Variants in TTC7A observed in about 807,000 individuals in gnomAD.
The protein encoded by TTC7A is tetratricopeptide repeat domain 7A.
A neutral mutation model predicts 103.7 loss-of-function variants in TTC7A; 110 were observed. That is an observed-to-expected ratio of 1.06 (90% CI 0.91 to 1.24). The LOEUF (loss-of-function observed/expected upper bound fraction) is 1.24, where lower values mean the gene tolerates loss of function less well. Ranked by LOEUF, TTC7A falls within the 50% of genes most tolerant of loss-of-function variation. The pLI is 0.00. For missense variants in TTC7A, 1,340 were observed against 1,116.3 expected, an observed-to-expected ratio of 1.20 and a Z score of -2.86; for synonymous variants, 521 against 467.9, an observed-to-expected ratio of 1.11 and a Z score of -1.47.
chr2:46,982,953 G>A (rs951418578), intron 5 of TTC7A, among the ~76,000 whole-genome samples: 1 of 151,814 alleles, frequency 6.6e-6, no homozygotes, highest in Non-Finnish European at 1.5e-5. Flanking sequence ...GGCCAACAGA[G>A]CAAGACCCTC....
chr2:46,989,282 G>A (rs1295060206), intron 5 of TTC7A, among the ~76,000 whole-genome samples: 1 of 152,238 alleles, frequency 6.6e-6, no homozygotes, highest in Non-Finnish European at 1.5e-5. Context: ...TCTGGGCCAG[G>A]GTTTGTTTGA....
In TTC7A at chr2:47,074,357, G is replaced by C. The variant is rs925290524; in HGVS notation, c.*434G>C. 1.8e-5 allele frequency: 3 copies of C among 164,652 alleles called. No individual in the cohort carries two copies. Among genetic ancestry groups the C allele is most frequent in the Admixed American group, 1.2e-4 (2 of 16,708 alleles). The allele number at this position is 164,652 out of a possible 1,614,324, so 10.2% of individuals were successfully genotyped here. A position where few individuals can be genotyped will look rare whatever the true frequency, so the allele number is the denominator to read the frequency against. On this transcript the variant is annotated 3_prime_UTR_variant, in exon 20 of 20. Coordinates refer to ENST00000319190, the MANE Select transcript of TTC7A (RefSeq NM_020458.4). The stretch of plus-strand genomic sequence containing the variant: ...ATGTGAAGAAACTGCGGGCAAGTGG[G>C]AAGACTATGAGATTTCTGGGTTCCC...
chr2:46,934,787 CTTTTTTTTTTTTTTTTT>C (rs1161003607), intron 2 of TTC7A, among the ~76,000 whole-genome samples: 9 of 66,916 alleles, frequency 1.3e-4, no homozygotes, highest in African/African-American at 3.9e-4. Context: ...GACTACTGCT[CTTTTTTTTTTTTTTTTT>C]TTTTTTTTTT....
intron 19 of TTC7A, among the ~76,000 whole-genome samples, chr2:47,071,732 CTG>C (rs999223783): frequency 1.3e-5 from 2 of 152,214 alleles, no homozygotes; most frequent in Non-Finnish European, 2.9e-5. Flanking sequence ...ACCTCCGAAA[CTG>C]AGAATACACA....
At chr2:46,934,185 C>G (rs988571818) in intron 2 of TTC7A, among the ~76,000 whole-genome samples, 1 of 152,318 alleles carries the variant, frequency 6.6e-6, no homozygotes, top group Non-Finnish European at 1.5e-5. Context: ...GAAACTCTTA[C>G]CCAGGATGAT....
chr2:46,928,349 C>T (rs1669508655), intron 2 of TTC7A, among the ~76,000 whole-genome samples: 1 of 150,924 alleles, frequency 6.6e-6, no homozygotes, highest in African/African-American at 2.4e-5. Flanking sequence ...CCAGGATCAA[C>T]TATGTCCTCC....
intron 11 of TTC7A, among the ~76,000 whole-genome samples, chr2:47,015,024 C>T (rs1338116985): frequency 6.6e-6 from 1 of 152,200 alleles, no homozygotes; most frequent in Non-Finnish European, 1.5e-5. Context: ...GGGGTTTGCA[C>T]CAGGGTGGGA....
intron 2 of TTC7A, among the ~76,000 whole-genome samples, chr2:46,952,736 A>T (rs1671522934): frequency 6.6e-6 from 1 of 152,328 alleles, no homozygotes; most frequent in African/African-American, 2.4e-5. Flanking sequence ...TGGGTGACAG[A>T]GCAAGATCCT....
chr2:46,951,467 C>G (rs62140557), intron 2 of TTC7A: 1 of 426,874 alleles, frequency 2.3e-6, no homozygotes. Context: ...ATTAGAAACT[C>G]AAAAGAGGAG....
At position 47,006,349 on chromosome 2, in the gene TTC7A, GA is replaced by G. The variant is rs377222662; in HGVS notation, c.1204-289del. Among the ~76,000 whole-genome samples the G allele has an allele frequency of 1.0e-3, 157 of 152,340 alleles. 1 individual carries two copies. Among genetic ancestry groups the G allele is most frequent in the African/African-American group, 3.5e-3 (147 of 41,574 alleles). On this transcript the variant is annotated intron_variant, in intron 9 of 19. Coordinates refer to ENST00000319190, the MANE Select transcript of TTC7A (RefSeq NM_020458.4). ...TATTTTTATTACATGTCTACGTTTT[GA>G]AAGCACTTTCACAAATCTTATTCCA... is the stretch of plus-strand genomic sequence containing the variant.
chr2:47,056,629 C>T (rs1460331991), intron 18 of TTC7A, among the ~76,000 whole-genome samples: 1 of 152,084 alleles, frequency 6.6e-6, no homozygotes, highest in Non-Finnish European at 1.5e-5. Context: ...ACCAGGATGC[C>T]TCAAAAAAAT....
chr2:47,014,339 G>C (rs763638570), intron 11 of TTC7A, among the ~76,000 whole-genome samples: 1 of 152,152 alleles, frequency 6.6e-6, no homozygotes, highest in African/African-American at 2.4e-5. Flanking sequence ...TGGTTTGGGG[G>C]TTCTCCCAGC....
At chr2:47,033,263 C>G (rs1286329420) in intron 15 of TTC7A, among the ~76,000 whole-genome samples, 1 of 152,234 alleles carries the variant, frequency 6.6e-6, no homozygotes, top group Non-Finnish European at 1.5e-5. Flanking sequence ...AAAAACCAAA[C>G]TCCCTTTGTC....
intron 5 of TTC7A, among the ~76,000 whole-genome samples, chr2:46,987,215 G>A (rs929701410): frequency 2.6e-5 from 4 of 152,172 alleles, no homozygotes; most frequent in Admixed American, 6.5e-5. Flanking sequence ...TTGGAGCCTC[G>A]CCCCAGGCAG....
intron 1 of TTC7A, among the ~76,000 whole-genome samples, chr2:46,944,841 A>G (rs576981857): frequency 1.3e-5 from 2 of 152,294 alleles, no homozygotes; most frequent in Non-Finnish European, 2.9e-5. Context: ...ACACCTAGCA[A>G]TAAGAACTCT....
At chr2:47,061,099 C>G in intron 19 of TTC7A, 128 bp downstream of exon 19, 1 of 1,012,870 alleles carries the variant, frequency 9.9e-7, no homozygotes, top group Non-Finnish European at 1.4e-6. Flanking sequence ...TCCCTGGTGT[C>G]TAGGGGAGGG....
chr2:46,922,668 C>CA (rs2103808530), intron 2 of TTC7A, among the ~76,000 whole-genome samples: 1 of 152,126 alleles, frequency 6.6e-6, no homozygotes, highest in South Asian at 2.1e-4. Flanking sequence ...AGAAACCACT[C>CA]AGAGTTTCTC....
intron 2 of TTC7A, among the ~76,000 whole-genome samples, chr2:46,927,884 G>GTTTTTTT (rs566447236): frequency 4.1e-5 from 3 of 73,306 alleles, no homozygotes; most frequent in African/African-American, 1.2e-4. Flanking sequence ...TTTTTTTGGT[G>GTTTTTTT]TTTTTTTTTT....
intron 2 of TTC7A, among the ~76,000 whole-genome samples, chr2:46,953,069 C>T (rs1380172729): frequency 6.6e-6 from 1 of 152,190 alleles, no homozygotes; most frequent in Non-Finnish European, 1.5e-5. Context: ...CATATATAGG[C>T]ACCAATAATG....
Sources: allele counts gnomAD v4.1 joint callset (sites outside exome capture counted in the v4.1 genomes callset), GRCh38; gene constraint gnomAD v4.1.1; transcripts MANE v1.5; gene names NCBI Gene and HGNC (gene_info 2026-07-23, HGNC 2026-07-21).